PTPRQ: variants seen among roughly 807,000 people sequenced by gnomAD.
PTPRQ encodes protein tyrosine phosphatase receptor type Q.
Under a neutral mutation model 246.0 loss-of-function variants are expected in PTPRQ, and 199 were observed. The observed-to-expected ratio is 0.81, with a 90% CI of 0.72 to 0.91. The LOEUF is 0.91. PTPRQ is among the 40% of genes least tolerant of loss of function. The probability of loss-of-function intolerance (pLI) is 0.00; values close to 1 mark genes in which losing one functional copy is unlikely to be tolerated. For missense variants in PTPRQ, 2,624 were observed against 2,528.4 expected (o/e 1.04, Z -0.81); for synonymous variants, 869 against 853.2 (o/e 1.02, Z -0.32).
intron 25 of PTPRQ, among the ~76,000 whole-genome samples, chr12:80,565,412 T>C (rs1407908025): frequency 1.3e-5 from 2 of 152,316 alleles, no homozygotes; most frequent in East Asian, 3.9e-4. Context: ...GCATATCTTA[T>C]TACCCTATTT....
intron 35 of PTPRQ, among the ~76,000 whole-genome samples, chr12:80,641,503 T>A (rs1899854203): frequency 6.6e-6 from 1 of 152,240 alleles, no homozygotes; most frequent in Non-Finnish European, 1.5e-5. Context: ...CCGGTCTATT[T>A]CTAATCTAAT....
intron 33 of PTPRQ, among the ~76,000 whole-genome samples, chr12:80,622,421 G>A (rs917261586): frequency 6.6e-6 from 1 of 151,962 alleles, no homozygotes; most frequent in Non-Finnish European, 1.5e-5. Flanking sequence ...ATTTGGCAAA[G>A]TCTGGAGCCA....
Position 80,616,231 on chromosome 12 carries a change from CA to C in PTPRQ, c.5198del (p.Lys1733ArgfsTer4). On this transcript the variant is annotated frameshift_variant, in exon 30 of 45. Transcript: ENST00000644991. LOFTEE classifies it high-confidence loss of function. Reference protein sequence around the residue: ...VYAVNSAGAGPKVPMRITMDI... With the variant: ...VYAVNSAGAGXKVPMRITMDI... ...GCAGTCAATAGTGCTGGTGCAGGTC[CA>C]AAGGTTCCGATGAGAATAACCATGG... 1.3e-6 allele frequency: 2 copies of C among 1,491,106 alleles called. No individual in the cohort carries two copies. The highest frequency in any genetic ancestry group is 1.8e-6 in the Non-Finnish European group (2 of 1,118,240). The allele number at this position is 1,491,106 out of a possible 1,614,324, so 92.4% of individuals were successfully genotyped here. A position where few individuals can be genotyped will look rare whatever the true frequency, so the allele number is the denominator to read the frequency against.
rs777680240 is a variant in PTPRQ, at chr12:80,534,899, C to A, written c.2847C>A (p.Ser949Arg). The part of the protein sequence containing the change: ...ISFQTPEGAP[S>R]DPPKDVYYAN... ...CAATTATTTGTTTTATAGCACCAAG[C>A]GATCCTCCCAAAGATGTTTATTATG... The change falls in exon 19 of 45, where the codon AGC becomes AGA. Residue 949 changes from serine (S) to arginine (R), a missense_variant. By Grantham distance (110) the Ser-to-Arg change is moderately radical. Transcript: ENST00000644991. The A allele has an allele frequency of 3.9e-5, 60 of 1,547,292 alleles. No homozygotes were observed. Among genetic ancestry groups the A allele is most frequent in the Non-Finnish European group, 3.6e-5 (41 of 1,145,360 alleles).
rs566333905 is a variant in PTPRQ at position 80,566,163 on chromosome 12, T to C, written c.4285+16429T>C. Among the ~76,000 whole-genome samples the C allele has an allele frequency of 1.3e-3, 194 of 152,312 alleles. 1 individual carries two copies. Among genetic ancestry groups the C allele is most frequent in the African/African-American group, 4.6e-3 (190 of 41,572 alleles). On this transcript the variant is annotated intron_variant, in intron 25 of 44. Coordinates refer to ENST00000644991, the MANE Select transcript of PTPRQ (RefSeq NM_001145026.2). ...TGAATTGCAATAATGAAATCTATAC[T>C]TATTAAAAGATACATTAAAAATTAA...
At chr12:80,578,975 T>C (rs1897353260) in intron 25 of PTPRQ, among the ~76,000 whole-genome samples, 1 of 152,168 alleles carries the variant, frequency 6.6e-6, no homozygotes, top group South Asian at 2.1e-4. Context: ...TGTCAGTTAA[T>C]CTAATTCCTG....
At position 80,574,833 on chromosome 12, in the gene PTPRQ, C is replaced by T. The variant is rs554698008; in HGVS notation, c.4286-13296C>T. ...CACACTCGGTTTTTCAGCTGTCTTT[C>T]TACTGAGCTCCTTGGATTCTCCGTC... On this transcript the variant is annotated intron_variant, in intron 25 of 44. Coordinates refer to ENST00000644991, the MANE Select transcript of PTPRQ (RefSeq NM_001145026.2). Among the ~76,000 whole-genome samples, 324 of 152,216 alleles carry T rather than the reference C, an allele frequency of 2.1e-3. 1 individual carries two copies. Among genetic ancestry groups the T allele is most frequent in the African/African-American group, 7.4e-3 (309 of 41,536 alleles).
rs1427280645 is a variant in PTPRQ at position 80,679,299 on chromosome 12, G to A, written c.*276G>A. The A allele has an allele frequency of 7.3e-6, 2 of 272,228 alleles. No homozygotes were observed. The highest frequency in any genetic ancestry group is 6.8e-6 in the Non-Finnish European group (1 of 147,276). 16.9% of individuals were successfully genotyped at this position (272,228 alleles called of 1,614,324 possible). A position where few individuals can be genotyped will look rare whatever the true frequency, so the allele number is the denominator to read the frequency against. Reference sequence around the variant, plus strand: ...TGAAGTCCTCCATATTTTGGAATAAGCCAAATAGAAAATTATTATTATATT... The same window carrying A: ...TGAAGTCCTCCATATTTTGGAATAAACCAAATAGAAAATTATTATTATATT... On this transcript the variant is annotated 3_prime_UTR_variant, in exon 45 of 45. Coordinates refer to ENST00000644991, the MANE Select transcript of PTPRQ (RefSeq NM_001145026.2).
chr12:80,660,054 A>C (rs1900578586), intron 39 of PTPRQ, among the ~76,000 whole-genome samples: 1 of 151,708 alleles, frequency 6.6e-6, no homozygotes, highest in Non-Finnish European at 1.5e-5. Flanking sequence ...ATTTCCCCCT[A>C]CCCCCAAATT....
At position 80,496,540 on chromosome 12, in the gene PTPRQ, T is replaced by C; in HGVS notation, c.2272+9T>C. 1 of 1,425,388 alleles carries C rather than the reference T, an allele frequency of 7.0e-7. No individual in the cohort carries two copies. Among genetic ancestry groups the C allele is most frequent in the Non-Finnish European group, 9.2e-7 (1 of 1,085,096 alleles). 88.3% of individuals were successfully genotyped at this position (1,425,388 alleles called of 1,614,324 possible). A position where few individuals can be genotyped will look rare whatever the true frequency, so the allele number is the denominator to read the frequency against. ...AAGGACTTCGGAGACTGGTGAGCTT[T>C]TGTTTTCTTTGTTTGTTTAATAATA... On this transcript the variant is annotated intron_variant, in intron 14 of 44. Coordinates refer to ENST00000644991, the MANE Select transcript of PTPRQ (RefSeq NM_001145026.2).
At chr12:80,614,942 G>A (rs899875115) in intron 29 of PTPRQ, among the ~76,000 whole-genome samples, 4 of 150,962 alleles carry the variant, frequency 2.6e-5, no homozygotes, top group Non-Finnish European at 4.5e-5. Flanking sequence ...TAAAAATCCT[G>A]TTTGCAGACT....
At chr12:80,487,327 C>T (rs1257698446) in intron 9 of PTPRQ, among the ~76,000 whole-genome samples, 2 of 152,060 alleles carry the variant, frequency 1.3e-5, no homozygotes, top group African/African-American at 4.8e-5. Flanking sequence ...GTGATAGTGA[C>T]CTGTGCAGGT....
At chr12:80,562,098 C>T (rs564700686) in intron 25 of PTPRQ, among the ~76,000 whole-genome samples, 15 of 152,146 alleles carry the variant, frequency 9.9e-5, no homozygotes, top group Admixed American at 9.2e-4. Flanking sequence ...AATATTGAAC[C>T]AGCCTTGGGA....
chr12:80,482,265 G>A (rs1894093780), intron 8 of PTPRQ, among the ~76,000 whole-genome samples: 1 of 150,760 alleles, frequency 6.6e-6, no homozygotes, highest in South Asian at 2.1e-4. Flanking sequence ...AGAAAAACAA[G>A]CAATGGGGAA....
chr12:80,524,026 T>C (rs1436504251), intron 17 of PTPRQ, among the ~76,000 whole-genome samples: 1 of 152,180 alleles, frequency 6.6e-6, no homozygotes, highest in African/African-American at 2.4e-5. Flanking sequence ...TCGAAGGACT[T>C]GGTTTATGAA....
intron 36 of PTPRQ, 39 bp downstream of exon 36, chr12:80,648,962 T>G (rs1400630953): frequency 6.7e-7 from 1 of 1,491,352 alleles, no homozygotes; most frequent in Admixed American, 2.4e-5. Flanking sequence ...TTTTTGAATA[T>G]CAAAGTTAGA....
chr12:80,461,411 G>T (rs1385106932), intron 6 of PTPRQ, among the ~76,000 whole-genome samples: 1 of 152,056 alleles, frequency 6.6e-6, no homozygotes. Flanking sequence ...TCCTTAGGGT[G>T]CCAGTGTTAA....
Position 80,489,895 on chromosome 12 carries a change from C to G in PTPRQ, c.1360-3380C>G, listed in dbSNP as rs1417598945. On this transcript the variant is annotated intron_variant, in intron 9 of 44. Transcript: ENST00000644991. ...TTTTCTCCAACAGACATATTGCTGC[C>G]TAGTATTACAGACTTCTGAGATTGA... 2.0e-5 allele frequency among the ~76,000 whole-genome samples: 3 copies of G among 151,844 alleles called. No individual in the cohort carries two copies. The East Asian group carries it at 5.8e-4, about 29-fold the overall frequency.
chr12:80,643,438 C>CAA (rs75925292), intron 35 of PTPRQ, among the ~76,000 whole-genome samples: 2 of 120,750 alleles, frequency 1.7e-5, no homozygotes, highest in African/African-American at 5.9e-5. Flanking sequence ...AATCCCATCT[C>CAA]AAAAAAAAAA....
Sources: gnomAD v4.1 joint callset for allele counts (sites outside exome capture counted in the v4.1 genomes callset) on GRCh38, gnomAD v4.1.1 for gene constraint, MANE v1.5 for transcripts, NCBI Gene and HGNC (gene_info 2026-07-23, HGNC 2026-07-21) for gene names.